CDKAL1: variants seen among roughly 807,000 people sequenced by gnomAD.
The protein encoded by CDKAL1 is CDKAL1 threonylcarbamoyladenosine tRNA methylthiotransferase, also known as threonylcarbamoyladenosine tRNA methylthiotransferase.
CDKAL1 carries 32 observed loss-of-function variants against 68.2 expected under a neutral mutation model. That is an observed-to-expected ratio of 0.47 (90% CI 0.35 to 0.63). The LOEUF (loss-of-function observed/expected upper bound fraction) is 0.63, where lower values mean the gene tolerates loss of function less well. Among genes scored for constraint, CDKAL1 ranks in the 30% least tolerant of loss-of-function variants. The pLI is 0.00. For synonymous variants in CDKAL1, 234 were observed against 244.3 expected, an observed-to-expected ratio of 0.96 and a Z score of 0.39; for missense variants, 606 against 696.7, an observed-to-expected ratio of 0.87 and a Z score of 1.47.
At chr6:20,554,368 A>G (rs1763954057) in intron 4 of CDKAL1, among the ~76,000 whole-genome samples, 1 of 152,190 alleles carries the variant, frequency 6.6e-6, no homozygotes, top group African/African-American at 2.4e-5. Context: ...CTTTTTTTCC[A>G]GTCATCCTTT....
intron 12 of CDKAL1, among the ~76,000 whole-genome samples, chr6:21,079,026 A>C (rs960368705): frequency 2.6e-5 from 4 of 152,070 alleles, no homozygotes; most frequent in Admixed American, 2.6e-4. Context: ...CAGCTGTGAG[A>C]AGTGGGGGGT....
In CDKAL1 at chr6:21,051,404, C is replaced by T. The variant is rs558175551; in HGVS notation, c.1056-13644C>T. Among the ~76,000 whole-genome samples the T allele has an allele frequency of 5.7e-4, 87 of 152,132 alleles. 3 individuals carry two copies. The highest frequency in any genetic ancestry group is 1.9e-3 in the African/African-American group (78 of 41,480). On this transcript the variant is annotated intron_variant, in intron 11 of 15. Transcript: ENST00000274695. ...AATAGTAATAATAAGTTGTGTTTTC[C>T]GTGAACTTATGATCAGCCAGTGCTT...
rs144850773 is a variant in CDKAL1, at chr6:20,650,092, G to T, written c.371+715G>T. ...CGGGGATATACCCAGTAATGGCATT[G>T]CTGGATCAAATGGCCTTTCTGGTTC... On this transcript the variant is annotated intron_variant, in intron 5 of 15. Coordinates refer to ENST00000274695, the MANE Select transcript of CDKAL1 (RefSeq NM_017774.3). 3.9e-3 allele frequency among the ~76,000 whole-genome samples: 587 copies of T among 152,290 alleles called. 4 individuals are homozygous for T. The highest frequency in any genetic ancestry group is 0.012 in the African/African-American group (514 of 41,566).
chr6:21,007,431 C>T (rs542584792), intron 11 of CDKAL1, among the ~76,000 whole-genome samples: 3 of 134,680 alleles, frequency 2.2e-5, no homozygotes, highest in East Asian at 2.2e-4. Flanking sequence ...TACCATGAGC[C>T]GAGATCACAC....
At chr6:20,753,957 A>ATGTGTGTGTGTGTGTGTGTGTG (rs112105313) in intron 6 of CDKAL1, among the ~76,000 whole-genome samples, 4 of 147,702 alleles carry the variant, frequency 2.7e-5, no homozygotes, top group Admixed American at 2.7e-4. Flanking sequence ...TATTATCTGT[A>ATGTGTGTGTGTGTGTGTGTGTG]TGTGTGTGTG....
intron 13 of CDKAL1, among the ~76,000 whole-genome samples, chr6:21,143,675 T>C (rs557299909): frequency 3.3e-5 from 5 of 152,294 alleles, no homozygotes; most frequent in African/African-American, 1.2e-4. Context: ...ATAAAAATGA[T>C]CAACTATACC....
At chr6:20,577,340 G>T (rs139419511) in intron 4 of CDKAL1, among the ~76,000 whole-genome samples, 1 of 152,300 alleles carries the variant, frequency 6.6e-6, no homozygotes, top group African/African-American at 2.4e-5. Flanking sequence ...GGGGGCGGGG[G>T]TTAGGTGGGA....
At chr6:21,108,111 T>G (rs985069097) in intron 12 of CDKAL1, among the ~76,000 whole-genome samples, 1 of 152,210 alleles carries the variant, frequency 6.6e-6, no homozygotes, top group African/African-American at 2.4e-5. Flanking sequence ...TTTAGTCTGT[T>G]ATGTATTTTC....
intron 5 of CDKAL1, among the ~76,000 whole-genome samples, chr6:20,658,023 A>T (rs926931711): frequency 3.9e-5 from 6 of 152,156 alleles, no homozygotes; most frequent in African/African-American, 1.4e-4. Context: ...TCTTGAGTAA[A>T]TAAAAAAGAT....
At chr6:20,738,589 C>T (rs1286657594) in intron 5 of CDKAL1, among the ~76,000 whole-genome samples, 5 of 150,622 alleles carry the variant, frequency 3.3e-5, no homozygotes, top group African/African-American at 1.2e-4. Flanking sequence ...CCTTGAACTC[C>T]TGGGGCTTCA....
intron 7 of CDKAL1, among the ~76,000 whole-genome samples, chr6:20,776,760 A>G (rs1775189686): frequency 6.6e-6 from 1 of 152,236 alleles, no homozygotes; most frequent in Admixed American, 6.5e-5. Context: ...AAAGCATTCA[A>G]CAAACTGAAA....
At chr6:21,007,303 G>A (rs912008091) in intron 11 of CDKAL1, among the ~76,000 whole-genome samples, 1 of 151,584 alleles carries the variant, frequency 6.6e-6, no homozygotes, top group South Asian at 2.1e-4. Flanking sequence ...GGTGGCACTC[G>A]CCTGTAGTCG....
chr6:21,093,696 T>C (rs967370548), intron 12 of CDKAL1, among the ~76,000 whole-genome samples: 1 of 3,488 alleles, frequency 2.9e-4, no homozygotes, highest in Non-Finnish European at 5.0e-4. Context: ...TGCTGCTGCT[T>C]TTTTTTTTTT....
chr6:21,136,832 C>T (rs1012389228), intron 13 of CDKAL1, among the ~76,000 whole-genome samples: 1 of 152,172 alleles, frequency 6.6e-6, no homozygotes, highest in Non-Finnish European at 1.5e-5. Context: ...TTGTCCAGTG[C>T]TTTTTCCTTC....
At chr6:21,147,033 C>T (rs944516572) in intron 13 of CDKAL1, among the ~76,000 whole-genome samples, 4 of 152,114 alleles carry the variant, frequency 2.6e-5, no homozygotes, top group South Asian at 2.1e-4. Context: ...TGTTTATGGA[C>T]GCCACGACCA....
rs145753371 is a variant in CDKAL1, at chr6:20,928,412, G to C, written c.743-27007G>C. 3.2e-3 allele frequency among the ~76,000 whole-genome samples: 483 copies of C among 152,294 alleles called. 2 individuals carry two copies. Among genetic ancestry groups the C allele is most frequent in the African/African-American group, 9.0e-3 (373 of 41,562 alleles). On this transcript the variant is annotated intron_variant, in intron 9 of 15. Transcript: ENST00000274695. ...AAACATAGCCCAGGAGTTTTTCACA[G>C]ATGTGCTCTCAAGGATCTGTGAATC...
At chr6:21,147,516 A>G (rs1466339) in intron 13 of CDKAL1, among the ~76,000 whole-genome samples, 66,434 of 151,968 alleles carry the variant, frequency 0.44, 14,994 homozygotes, top group Middle Eastern at 0.51. Context: ...TCCATTGTCC[A>G]CTGTTAATTC....
At chr6:21,019,753 A>T (rs960450296) in intron 11 of CDKAL1, among the ~76,000 whole-genome samples, 2 of 152,210 alleles carry the variant, frequency 1.3e-5, no homozygotes, top group African/African-American at 4.8e-5. Context: ...AGCAATAGAC[A>T]AAATAGAACC....
chr6:20,930,744 G>GTTT (rs1561893325), intron 9 of CDKAL1, among the ~76,000 whole-genome samples: 1 of 93,718 alleles, frequency 1.1e-5, no homozygotes, highest in Non-Finnish European at 2.1e-5. Flanking sequence ...GGTATTATGT[G>GTTT]TATTTTTTTT....
Sources: gnomAD v4.1 joint callset for allele counts (sites outside exome capture counted in the v4.1 genomes callset) on GRCh38, gnomAD v4.1.1 for gene constraint, MANE v1.5 for transcripts, NCBI Gene and HGNC (gene_info 2026-07-23, HGNC 2026-07-21) for gene names.